GRM5: variants seen among roughly 807,000 people sequenced by gnomAD.
The protein encoded by GRM5 is metabotropic glutamate receptor 5.
A neutral mutation model predicts 83.1 loss-of-function variants in GRM5; 19 were observed. The observed-to-expected ratio is 0.23, with a 90% confidence interval of 0.16 to 0.34. The LOEUF is 0.34. Ranked by LOEUF, GRM5 falls within the 10% of genes least tolerant of loss-of-function variation. The probability of loss-of-function intolerance (pLI) is 1.00; values close to 1 mark genes in which losing one functional copy is unlikely to be tolerated. For synonymous variants in GRM5, 675 were observed against 633.6 expected, an observed-to-expected ratio of 1.07 and a Z score of -0.98; for missense variants, 1,160 against 1,588.3, an observed-to-expected ratio of 0.73 and a Z score of 4.58.
chr11:88,580,385 C>T (rs2135192130), intron 7 of GRM5, among the ~76,000 whole-genome samples: 1 of 152,342 alleles, frequency 6.6e-6, no homozygotes, highest in Non-Finnish European at 1.5e-5. Flanking sequence ...AGGATCAACA[C>T]TGAGCTCTGG....
At chr11:88,976,820 A>T (rs1939353788) in intron 2 of GRM5, among the ~76,000 whole-genome samples, 1 of 151,832 alleles carries the variant, frequency 6.6e-6, no homozygotes, top group Non-Finnish European at 1.5e-5. Context: ...TTATGCTGCT[A>T]GTGAAGACTT....
At chr11:88,963,137 G>A (rs1385364491) in intron 2 of GRM5, among the ~76,000 whole-genome samples, 1 of 152,016 alleles carries the variant, frequency 6.6e-6, no homozygotes, top group Non-Finnish European at 1.5e-5. Context: ...CAAAGGAGGT[G>A]ATATACAAAT....
intron 2 of GRM5, among the ~76,000 whole-genome samples, chr11:88,885,235 A>T (rs1466309813): frequency 3.3e-5 from 5 of 151,856 alleles, no homozygotes; most frequent in Non-Finnish European, 7.4e-5. Context: ...CCACAACTCA[A>T]TGTGCAGAAA....
At chr11:88,804,740 G>A (rs972280089) in intron 3 of GRM5, among the ~76,000 whole-genome samples, 1 of 151,916 alleles carries the variant, frequency 6.6e-6, no homozygotes, top group Non-Finnish European at 1.5e-5. Context: ...AAATACTGCA[G>A]GTTCTCACTT....
In GRM5 at chr11:88,508,969, C is replaced by A. The variant is rs767986603; in HGVS notation, c.3262G>T (p.Gly1088Cys). Reference sequence around the variant, plus strand: ...GACGAGCAGAGCGGGGCGCCGACGCCGGGGCTGGGGGCCGCGGTGGACAGC... The same window carrying A: ...GACGAGCAGAGCGGGGCGCCGACGCAGGGGCTGGGGGCCGCGGTGGACAGC... ...MMLSTAAPSP[G>C]VGAPLCSSYL... The change falls in exon 10 of 10, where the codon GGC becomes TGC. Residue 1088 changes from glycine (G) to cysteine (C), a missense_variant. Transcript: ENST00000305447. The surrounding 1 kb of genome is among the most constrained non-coding windows in gnomAD (Gnocchi z 4.2). 6.3e-7 allele frequency: 1 copy of A among 1,588,198 alleles called. No individual in the cohort carries two copies. The highest frequency in any genetic ancestry group is 1.1e-5 in the South Asian group (1 of 87,086).
chr11:88,817,211 CAT>C (rs1255849352), intron 3 of GRM5, among the ~76,000 whole-genome samples: 1 of 152,052 alleles, frequency 6.6e-6, no homozygotes, highest in Non-Finnish European at 1.5e-5. Context: ...AGTAGAAACA[CAT>C]ATGGATATTT....
chr11:88,616,773 A>G (rs1938497171), intron 4 of GRM5, among the ~76,000 whole-genome samples: 1 of 152,178 alleles, frequency 6.6e-6, no homozygotes, highest in Non-Finnish European at 1.5e-5. Flanking sequence ...TTTATCATAT[A>G]TTAAACATTC....
intron 2 of GRM5, among the ~76,000 whole-genome samples, chr11:88,955,399 A>G (rs939215384): frequency 6.6e-6 from 1 of 152,232 alleles, no homozygotes; most frequent in Non-Finnish European, 1.5e-5. Flanking sequence ...ATGCCTTACT[A>G]TAACCTCTTG....
chr11:88,944,159 C>G (rs1238386223), intron 2 of GRM5, among the ~76,000 whole-genome samples: 1 of 151,888 alleles, frequency 6.6e-6, no homozygotes, highest in African/African-American at 2.4e-5. Context: ...GAATTTTACT[C>G]TGAAAGAATA....
chr11:88,767,655 C>G (rs766434354), intron 3 of GRM5, among the ~76,000 whole-genome samples: 1 of 151,864 alleles, frequency 6.6e-6, no homozygotes, highest in South Asian at 2.1e-4. Context: ...AGGCGAACAA[C>G]GGACATTGGG....
chr11:88,734,904 A>G (rs1941881053), intron 3 of GRM5, among the ~76,000 whole-genome samples: 1 of 152,080 alleles, frequency 6.6e-6, no homozygotes, highest in Admixed American at 6.6e-5. Flanking sequence ...GTGCTAGCTG[A>G]CCAAGGAGAG....
At chr11:88,813,470 A>G (rs1211410386) in intron 3 of GRM5, among the ~76,000 whole-genome samples, 4 of 152,144 alleles carry the variant, frequency 2.6e-5, no homozygotes, top group Non-Finnish European at 5.9e-5. Context: ...TCAATTTTCT[A>G]TAACTCATTT....
At chr11:88,664,173 T>C (rs1345987342) in intron 3 of GRM5, among the ~76,000 whole-genome samples, 1 of 152,174 alleles carries the variant, frequency 6.6e-6, no homozygotes, top group Admixed American at 6.5e-5. Context: ...ACTTGAATGA[T>C]AACTATGATA....
intron 8 of GRM5, among the ~76,000 whole-genome samples, chr11:88,554,914 A>G (rs1489145046): frequency 5.3e-5 from 8 of 152,168 alleles, no homozygotes; most frequent in African/African-American, 1.9e-4. Context: ...TGGGCCAGCA[A>G]TGTCCTAGAG....
intron 3 of GRM5, among the ~76,000 whole-genome samples, chr11:88,749,697 G>A (rs1391053287): frequency 1.3e-5 from 2 of 152,142 alleles, no homozygotes; most frequent in African/African-American, 4.8e-5. Context: ...CGGAGAGAAA[G>A]GCCAGGTCAC....
chr11:88,621,713 C>T (rs946927225), intron 4 of GRM5, among the ~76,000 whole-genome samples: 2 of 151,942 alleles, frequency 1.3e-5, no homozygotes, highest in Non-Finnish European at 2.9e-5. Flanking sequence ...ATAAGAGATG[C>T]AAAAAATTTA....
chr11:88,967,252 T>TATATATATATATATACACAC (rs1555050445), intron 2 of GRM5, among the ~76,000 whole-genome samples: 3 of 16,152 alleles, frequency 1.9e-4, no homozygotes, highest in African/African-American at 1.2e-3. Flanking sequence ...TATACACATA[T>TATATATATATATATACACAC]ATATATATAT....
At chr11:88,568,404 G>C (rs894929135) in intron 7 of GRM5, among the ~76,000 whole-genome samples, 1 of 152,114 alleles carries the variant, frequency 6.6e-6, no homozygotes, top group African/African-American at 2.4e-5. Context: ...TGGAGTTGGG[G>C]ATTTCATGGG....
intron 3 of GRM5, among the ~76,000 whole-genome samples, chr11:88,812,005 C>T (rs1012784019): frequency 6.6e-6 from 1 of 152,078 alleles, no homozygotes; most frequent in Non-Finnish European, 1.5e-5. Flanking sequence ...ACACTTTGGG[C>T]CACTTTGGTG....
Sources: gnomAD v4.1 joint callset for allele counts (sites outside exome capture counted in the v4.1 genomes callset) on GRCh38, gnomAD v4.1.1 for gene constraint, Gnocchi (gnomAD v3.1) non-coding constraint, MANE v1.5 for transcripts, NCBI Gene and HGNC (gene_info 2026-07-23, HGNC 2026-07-21) for gene names.